Variants in IQSEC1 observed in about 807,000 individuals in gnomAD.
IQSEC1 encodes the protein IQ motif and SEC7 domain-containing protein 1.
In IQSEC1, 31 loss-of-function variants were observed where a neutral mutation model predicts 91.0. The ratio of observed to expected loss-of-function variants is 0.34; its 90% confidence interval spans 0.26 to 0.46. IQSEC1 has a LOEUF of 0.46. IQSEC1 is among the 20% of genes least tolerant of loss of function. The pLI, the probability that IQSEC1 is intolerant of heterozygous loss-of-function variation, is 1.00. For synonymous variants in IQSEC1, 699 were observed against 662.6 expected (o/e 1.05, Z -0.84); for missense variants, 1,388 against 1,575.6 (o/e 0.88, Z 2.02).
At chr3:13,185,084 C>A (rs1693908204) in intron 1 of IQSEC1, among the ~76,000 whole-genome samples, 1 of 152,196 alleles carries the variant, frequency 6.6e-6, no homozygotes, top group Admixed American at 6.5e-5. Context: ...GGGTTTCCCA[C>A]TCCCACCCAC....
intron 3 of IQSEC1, among the ~76,000 whole-genome samples, chr3:12,932,479 C>G (rs778661630): frequency 1.3e-5 from 2 of 152,188 alleles, no homozygotes; most frequent in South Asian, 4.1e-4. Flanking sequence ...TGCGTTAGCG[C>G]GTGACAGGCC....
chr3:13,168,448 G>A (rs1693538636), intron 1 of IQSEC1, among the ~76,000 whole-genome samples: 2 of 152,172 alleles, frequency 1.3e-5, no homozygotes, highest in Middle Eastern at 3.4e-3. Context: ...CGGATCATAA[G>A]CACATCTCAG....
chr3:12,900,565 T>C lies in IQSEC1; in HGVS notation c.*418A>G, dbSNP rs1295168966. On this transcript the variant is annotated 3_prime_UTR_variant, in exon 14 of 14. Coordinates refer to ENST00000613206, the MANE Select transcript of IQSEC1 (RefSeq NM_001134382.3). ...TTGCCCATTGTCAATAAAAGAGCAA[T>C]AATGCAGCAAGTTTTGGGGTTTGTT... The C allele has an allele frequency of 8.0e-6, 8 of 999,890 alleles. No individual in the cohort carries two copies. In the East Asian group the frequency reaches 7.4e-4, roughly 93 times the overall value. The allele number at this position is 999,890 out of a possible 1,614,324, so 61.9% of individuals were successfully genotyped here.
intron 1 of IQSEC1, among the ~76,000 whole-genome samples, chr3:12,989,611 G>T (rs1461431547): frequency 1.3e-5 from 2 of 152,160 alleles, no homozygotes; most frequent in South Asian, 2.1e-4. Flanking sequence ...CAGAAAGGCT[G>T]AACCCCATCC....
chr3:13,052,943 G>A, intron 1 of IQSEC1: 1 of 1,055,280 alleles, frequency 9.5e-7, no homozygotes, highest in Non-Finnish European at 1.5e-6. Flanking sequence ...GCATCAATAT[G>A]TGTGCCATCT....
intron 2 of IQSEC1, among the ~76,000 whole-genome samples, chr3:13,085,133 T>C (rs1705714097): frequency 1.3e-5 from 2 of 152,140 alleles, no homozygotes; most frequent in African/African-American, 4.8e-5. Context: ...TCTCCTCGGA[T>C]GCCCCAAACA....
In IQSEC1 at chr3:12,928,323, G is replaced by A. The variant is rs200587723; in HGVS notation, c.1569-3581C>T. 1.1e-4 allele frequency among the ~76,000 whole-genome samples: 16 copies of A among 152,346 alleles called. No individual in the cohort carries two copies. In the East Asian group the frequency reaches 3.1e-3, roughly 29 times the overall value. ...AGCTTTTAGCCTGAACCTAGTGCGG[G>A]CGATGGATTCCACCCGGCAGGCCTC... On this transcript the variant is annotated intron_variant, in intron 3 of 13. Coordinates refer to ENST00000613206, the MANE Select transcript of IQSEC1 (RefSeq NM_001134382.3).
chr3:13,182,707 A>T (rs1378152847), intron 1 of IQSEC1, among the ~76,000 whole-genome samples: 1 of 152,262 alleles, frequency 6.6e-6, no homozygotes, highest in Non-Finnish European at 1.5e-5. Context: ...CCCAGGTCAA[A>T]GAGGAAATCG....
chr3:12,913,651 C>T (rs572900539), intron 8 of IQSEC1, 98 bp from the exon 9 acceptor site: 144 of 1,279,394 alleles, frequency 1.1e-4, no homozygotes, highest in African/African-American at 1.1e-3. Flanking sequence ...GCTAGAAACC[C>T]GGCACGTGGG....
intron 1 of IQSEC1, among the ~76,000 whole-genome samples, chr3:13,223,563 C>T (rs1694698539): frequency 6.6e-6 from 1 of 152,140 alleles, no homozygotes; most frequent in Admixed American, 6.5e-5. Flanking sequence ...TAGGTCCCAC[C>T]CTCCCAGCAG....
chr3:13,072,987 C>A lies in IQSEC1; in HGVS notation c.23+5G>T. 6.4e-7 allele frequency: 1 copy of A among 1,551,606 alleles called. No individual in the cohort carries two copies. Among genetic ancestry groups the A allele is most frequent in the Non-Finnish European group, 8.7e-7 (1 of 1,146,868 alleles). ...TTCAGGCAGAAACCTGCCACATATA[C>A]TCACAAATAGCGTCTTCTGCAAGCC... is the stretch of plus-strand genomic sequence containing the variant. On this transcript the variant is annotated splice_donor_5th_base_variant and intron_variant, in intron 1 of 13. Transcript: ENST00000613206.
rs561847493 is a variant in IQSEC1, at chr3:13,022,501, C to T, written c.23+50491G>A. Reference sequence around the variant, plus strand: ...CAGGGCGGGATGGGTGAGGGGCGTCCGCCGGTGAGGAAAAGCTCAGCTGCC... The same window carrying T: ...CAGGGCGGGATGGGTGAGGGGCGTCTGCCGGTGAGGAAAAGCTCAGCTGCC... On this transcript the variant is annotated intron_variant, in intron 1 of 13. Coordinates refer to ENST00000613206, the MANE Select transcript of IQSEC1 (RefSeq NM_001134382.3). 3.0e-4 allele frequency: 293 copies of T among 986,544 alleles called. No individual in the cohort carries two copies. The African/African-American group carries it at 3.2e-3, about 11-fold the overall frequency. 61.1% of individuals were successfully genotyped at this position (986,544 alleles called of 1,614,324 possible). A position where few individuals can be genotyped will look rare whatever the true frequency, so the allele number is the denominator to read the frequency against.
chr3:12,943,894 C>T (rs1190417733), intron 1 of IQSEC1, among the ~76,000 whole-genome samples: 1 of 152,220 alleles, frequency 6.6e-6, no homozygotes, highest in Non-Finnish European at 1.5e-5. Flanking sequence ...CACCTGCTTT[C>T]CAGCCTGCAG....
chr3:13,252,730 T>TTTTGTTTTG (rs1553579815), intron 1 of IQSEC1, among the ~76,000 whole-genome samples: 2 of 150,844 alleles, frequency 1.3e-5, no homozygotes, highest in African/African-American at 4.9e-5. Context: ...TTTTTTTTGT[T>TTTTGTTTTG]TTTGTTTGTT....
At chr3:13,029,396 T>C (rs1265849559) in intron 1 of IQSEC1, among the ~76,000 whole-genome samples, 1 of 152,186 alleles carries the variant, frequency 6.6e-6, no homozygotes, top group Non-Finnish European at 1.5e-5. Context: ...GGTGGGGAAT[T>C]GAACTGAAGC....
At chr3:12,957,364 G>A (rs1016952442) in intron 1 of IQSEC1, among the ~76,000 whole-genome samples, 2 of 152,174 alleles carry the variant, frequency 1.3e-5, no homozygotes, top group African/African-American at 4.8e-5. Context: ...GGTTCTGAGT[G>A]CACGGAGATG....
intron 1 of IQSEC1, among the ~76,000 whole-genome samples, chr3:13,166,341 CA>C (rs982810389): frequency 8.5e-5 from 13 of 152,344 alleles, no homozygotes; most frequent in Non-Finnish European, 1.8e-4. Context: ...GAAAATGCCA[CA>C]AGGGTAAGGG....
intron 1 of IQSEC1, among the ~76,000 whole-genome samples, chr3:13,004,494 G>A (rs1206754870): frequency 6.6e-5 from 10 of 152,144 alleles, no homozygotes; most frequent in African/African-American, 2.2e-4. Flanking sequence ...GGAGGGCAGG[G>A]ATTTGTGTCT....
chr3:13,044,357 T>C (rs1704408420), intron 1 of IQSEC1, among the ~76,000 whole-genome samples: 1 of 152,250 alleles, frequency 6.6e-6, no homozygotes, highest in East Asian at 1.9e-4. Flanking sequence ...CAGAGAATGG[T>C]CCTGCCCAAA....
Sources: allele counts gnomAD v4.1 joint callset (sites outside exome capture counted in the v4.1 genomes callset), GRCh38; gene constraint gnomAD v4.1.1; transcripts MANE v1.5; gene names NCBI Gene and HGNC (gene_info 2026-07-23, HGNC 2026-07-21).